Variants in ARHGAP10 observed in about 807,000 individuals in gnomAD.
ARHGAP10 encodes the protein rho GTPase-activating protein 10.
Under a neutral mutation model 108.6 loss-of-function variants are expected in ARHGAP10, and 87 were observed. That is an observed-to-expected ratio of 0.80 (90% confidence interval 0.67 to 0.96). The LOEUF (loss-of-function observed/expected upper bound fraction) is 0.96. ARHGAP10 is among the 40% of genes least tolerant of loss of function. The probability of loss-of-function intolerance (pLI) is 0.00; values close to 1 mark genes in which losing one functional copy is unlikely to be tolerated. For missense variants in ARHGAP10, 939 were observed against 954.5 expected, an observed-to-expected ratio of 0.98 and a Z score of 0.21; for synonymous variants, 347 against 341.1, an observed-to-expected ratio of 1.02 and a Z score of -0.19.
chr4:148,071,729 T>G (rs1730192617), intron 22 of ARHGAP10, among the ~76,000 whole-genome samples: 1 of 152,140 alleles, frequency 6.6e-6, no homozygotes, highest in Non-Finnish European at 1.5e-5. Flanking sequence ...TGCATGTTCG[T>G]GCACAGTGGA....
intron 9 of ARHGAP10, 56 bp from the exon 10 acceptor site, chr4:147,881,782 A>G: frequency 1.3e-6 from 2 of 1,517,786 alleles, no homozygotes; most frequent in Non-Finnish European, 1.8e-6. Context: ...AGAATGGCTG[A>G]GTGTGTATAT....
intron 3 of ARHGAP10, among the ~76,000 whole-genome samples, chr4:147,832,764 C>G (rs1292061500): frequency 6.6e-6 from 1 of 151,674 alleles, no homozygotes; most frequent in Non-Finnish European, 1.5e-5. Context: ...ATCCTAACGA[C>G]ATTATGCCTT....
At chr4:147,945,971 G>A (rs2126970109) in intron 14 of ARHGAP10, among the ~76,000 whole-genome samples, 1 of 152,314 alleles carries the variant, frequency 6.6e-6, no homozygotes. Flanking sequence ...CTTTGCATAA[G>A]GCGGGAATTC....
rs150831797 is a variant in ARHGAP10, at chr4:148,032,692, A to C, written c.1867+9279A>C. On this transcript the variant is annotated intron_variant, in intron 19 of 22. Transcript: ENST00000336498. ...ACAAGGTGAAGTCCCACAATAGGCC[A>C]TCTGCAAGCTGAGGAGCAGGGAAGC... Among the ~76,000 whole-genome samples, 927 of 152,312 alleles carry C rather than the reference A, an allele frequency of 6.1e-3. 12 individuals carry two copies. The highest frequency in any genetic ancestry group is 0.021 in the African/African-American group (883 of 41,562).
chr4:147,995,917 C>T (rs1740456215), intron 18 of ARHGAP10, among the ~76,000 whole-genome samples: 1 of 152,156 alleles, frequency 6.6e-6, no homozygotes, highest in Non-Finnish European at 1.5e-5. Context: ...TGGGGTTTCA[C>T]CATGTCAGCC....
chr4:147,770,534 G>A (rs907258865), intron 1 of ARHGAP10, among the ~76,000 whole-genome samples: 3 of 152,074 alleles, frequency 2.0e-5, no homozygotes, highest in Non-Finnish European at 4.4e-5. Context: ...CAAAGAAATG[G>A]TAGCCTGTAT....
chr4:147,967,843 G>A lies in ARHGAP10; in HGVS notation c.1716+1004G>A, dbSNP rs577645117. On this transcript the variant is annotated intron_variant, in intron 18 of 22. Coordinates refer to ENST00000336498, the MANE Select transcript of ARHGAP10 (RefSeq NM_024605.4). ...AATCACCTGAGGGCCTCTTGTAAGT[G>A]GCTGCATAGCCATGCGTATTCTGTT... Among the ~76,000 whole-genome samples, 6 of 152,090 alleles carry A rather than the reference G, an allele frequency of 3.9e-5. No individual in the cohort carries two copies. In the South Asian group the frequency reaches 1.2e-3, roughly 32 times the overall value.
chr4:147,745,081 AAG>A (rs1370658548), intron 1 of ARHGAP10, among the ~76,000 whole-genome samples: 1 of 152,052 alleles, frequency 6.6e-6, no homozygotes, highest in Non-Finnish European at 1.5e-5. Context: ...GCCAAGGAGA[AAG>A]AGTGTTCAGA....
chr4:147,903,274 C>A (rs1320323980), intron 10 of ARHGAP10, among the ~76,000 whole-genome samples: 1 of 152,172 alleles, frequency 6.6e-6, no homozygotes, highest in African/African-American at 2.4e-5. Context: ...TAGGGGACAA[C>A]TCTGCATTCA....
In ARHGAP10 at chr4:148,023,340, G is replaced by T; in HGVS notation, c.1794G>T (p.Arg598Ser). The T allele has an allele frequency of 6.2e-7, 1 of 1,614,250 alleles. No individual in the cohort carries two copies. Among genetic ancestry groups the T allele is most frequent in the South Asian group, 1.1e-5 (1 of 91,086 alleles). The change falls in exon 19 of 23, where the codon AGG becomes AGT. Residue 598 changes from arginine to serine, a missense_variant. Transcript: ENST00000336498. ...CATCACCCCCAAATGCGCCACCAAGGCAGTCGAAGAGACAAGGCCAGAGAA... is the reference window on the plus strand; with the variant it reads ...CATCACCCCCAAATGCGCCACCAAGTCAGTCGAAGAGACAAGGCCAGAGAA... ...LSASPPNAPP[R>S]QSKRQGQRTK...
At position 147,955,290 on chromosome 4, in the gene ARHGAP10, A is replaced by T. The variant is rs531726386; in HGVS notation, c.1392-26A>T. The T allele has an allele frequency of 1.9e-6, 3 of 1,583,016 alleles. No individual in the cohort carries two copies. In the South Asian group the frequency reaches 3.5e-5, roughly 18 times the overall value. ...AGTGACTTGTTTGGATTTATTTGATAATTCTGAGCTGTTCTTTTCACACAG... is the reference window on the plus strand; with the variant it reads ...AGTGACTTGTTTGGATTTATTTGATTATTCTGAGCTGTTCTTTTCACACAG... On this transcript the variant is annotated intron_variant, in intron 15 of 22. Transcript: ENST00000336498.
chr4:148,024,652 T>C (rs1239312533), intron 19 of ARHGAP10, among the ~76,000 whole-genome samples: 2 of 152,240 alleles, frequency 1.3e-5, no homozygotes, highest in Non-Finnish European at 2.9e-5. Context: ...AGGAAGGGCA[T>C]GAATCATTAC....
chr4:147,746,095 G>T (rs1025279433), intron 1 of ARHGAP10, among the ~76,000 whole-genome samples: 6 of 149,154 alleles, frequency 4.0e-5, no homozygotes, highest in African/African-American at 1.5e-4. Context: ...GCCACAAAGT[G>T]CTTCTTATTT....
chr4:148,003,900 C>T (rs1740837686), intron 18 of ARHGAP10, among the ~76,000 whole-genome samples: 1 of 152,134 alleles, frequency 6.6e-6, no homozygotes, highest in African/African-American at 2.4e-5. Flanking sequence ...GAGTGTAAGC[C>T]TAAATCAGCA....
At chr4:147,891,741 C>T (rs1264912273) in intron 10 of ARHGAP10, among the ~76,000 whole-genome samples, 1 of 152,108 alleles carries the variant, frequency 6.6e-6, no homozygotes, top group African/African-American at 2.4e-5. Flanking sequence ...TTTCAGAGAC[C>T]ATGGGCTATG....
chr4:148,057,799 C>T (rs1560896627), intron 20 of ARHGAP10, among the ~76,000 whole-genome samples: 2 of 152,262 alleles, frequency 1.3e-5, no homozygotes, highest in Non-Finnish European at 2.9e-5. Flanking sequence ...TCTCCACTCA[C>T]TTGGCTGCAG....
chr4:147,996,112 T>C, intron 18 of ARHGAP10, among the ~76,000 whole-genome samples: 1 of 152,174 alleles, frequency 6.6e-6, no homozygotes, highest in East Asian at 1.9e-4. Context: ...GTGCAGGAGA[T>C]GGTTTGGGCA....
chr4:147,784,199 ATTATATATTTTACATAACATTAAATTG>A, intron 1 of ARHGAP10, among the ~76,000 whole-genome samples: 1 of 117,972 alleles, frequency 8.5e-6, no homozygotes, highest in South Asian at 2.9e-4. Context: ...TAAATTGTGT[ATTATATATTTTACATAACATTAAATTG>A]TGTATTATAT....
At chr4:147,767,972 G>A (rs1224461677) in intron 1 of ARHGAP10, among the ~76,000 whole-genome samples, 4 of 152,192 alleles carry the variant, frequency 2.6e-5, no homozygotes, top group Admixed American at 6.5e-5. Flanking sequence ...AATATACTAG[G>A]GAGTACCTTT....
Sources: allele counts gnomAD v4.1 joint callset (sites outside exome capture counted in the v4.1 genomes callset), GRCh38; gene constraint gnomAD v4.1.1; transcripts MANE v1.5; gene names NCBI Gene and HGNC (gene_info 2026-07-23, HGNC 2026-07-21).